The following CREBBP variants were observed in gnomAD, a reference collection of about 807,000 sequenced individuals.
The protein encoded by CREBBP is CREB binding lysine acetyltransferase, also known as CREB-binding protein.
In CREBBP, 19 loss-of-function variants were observed where a neutral mutation model predicts 265.0. The observed-to-expected ratio is 0.07, with a 90% CI of 0.05 to 0.11. The LOEUF (loss-of-function observed/expected upper bound fraction) is 0.11, where lower values mean the gene tolerates loss of function less well. Among genes scored for constraint, CREBBP ranks in the 10% least tolerant of loss-of-function variants. The probability of loss-of-function intolerance (pLI) is 1.00; values close to 1 mark genes in which losing one functional copy is unlikely to be tolerated. For synonymous variants in CREBBP, 1,457 were observed against 1,223.7 expected (o/e 1.19, Z -3.98); for missense variants, 2,525 against 3,219.0 (o/e 0.78, Z 5.22).
At chr16:3,813,886 C>G (rs746528118) in intron 2 of CREBBP, among the ~76,000 whole-genome samples, 1 of 152,168 alleles carries the variant, frequency 6.6e-6, no homozygotes, top group Non-Finnish European at 1.5e-5. Context: ...TGGGTGACAG[C>G]TGAAGGGGTG....
At chr16:3,879,133 C>G (rs1046748203) in intron 1 of CREBBP, among the ~76,000 whole-genome samples, 1 of 152,048 alleles carries the variant, frequency 6.6e-6, no homozygotes, top group African/African-American at 2.4e-5. Flanking sequence ...TGAAGTTATA[C>G]ATGGAAATGA....
Position 3,850,682 on chromosome 16 carries a change from G to C in CREBBP, c.413C>G (p.Ala138Gly), listed in dbSNP as rs2054814255. The C allele has an allele frequency of 6.2e-7, 1 of 1,614,012 alleles. No homozygotes were observed. The highest frequency in any genetic ancestry group is 8.5e-7 in the Non-Finnish European group (1 of 1,180,056). ...AGCGGGGGTGGGCCCAGAGGTGCTG[G>C]CTGCCTGTTTAGGCAGGCTGGGGGC... is the stretch of plus-strand genomic sequence containing the variant. ...SSAPSLPKQAASTSGPTPAAS... is the reference protein window; with the variant it reads ...SSAPSLPKQAGSTSGPTPAAS... The change falls in exon 2 of 31, where the codon GCC becomes GGC. Residue 138 changes from alanine (A) to glycine (G), a missense_variant. Around this residue, in one of 19 missense-constraint regions of CREBBP, gnomAD observed 356 missense variants for 340.4 expected, o/e 1.05. Transcript: ENST00000262367.
At chr16:3,790,182 C>T (rs1221626739) in intron 5 of CREBBP, among the ~76,000 whole-genome samples, 1 of 151,938 alleles carries the variant, frequency 6.6e-6, no homozygotes, top group Non-Finnish European at 1.5e-5. Context: ...AAAGAAAAAA[C>T]TTTTACAGTA....
chr16:3,774,396 T>C (rs1187956731), intron 12 of CREBBP, among the ~76,000 whole-genome samples, 173 bp downstream of exon 12: 1 of 152,220 alleles, frequency 6.6e-6, no homozygotes, highest in Non-Finnish European at 1.5e-5. Flanking sequence ...AACAGTCAAA[T>C]AATTCTGTGT....
At chr16:3,793,253 C>T in intron 4 of CREBBP, 133 bp downstream of exon 4, 1 of 1,227,624 alleles carries the variant, frequency 8.1e-7, no homozygotes, top group Non-Finnish European at 1.2e-6. Flanking sequence ...GTGAGCGCAA[C>T]ATGTCTTGCC....
intron 17 of CREBBP, among the ~76,000 whole-genome samples, chr16:3,758,471 T>A (rs540924254): frequency 2.6e-5 from 4 of 152,220 alleles, no homozygotes; most frequent in African/African-American, 4.8e-5. Flanking sequence ...GACTGCTACA[T>A]AGAATCGGCT....
chr16:3,808,905 A>C (rs1429394092), intron 3 of CREBBP, among the ~76,000 whole-genome samples: 1 of 152,222 alleles, frequency 6.6e-6, no homozygotes, highest in African/African-American at 2.4e-5. Flanking sequence ...CACAGGAGAG[A>C]ACGGGATCTG....
chr16:3,850,453 C>T lies in CREBBP; in HGVS notation c.642G>A (p.Gly214=), dbSNP rs2141490661. Residue 214 remains glycine, a synonymous_variant, in exon 2 of 31, where the codon GGG becomes GGA. Transcript: ENST00000262367. ...GQAQVMNGSL[G]AAGRGRGAGM... is the part of the protein sequence containing the mutation. ...CAGCTCCCCTTCCTCTGCCAGCAGC[C>T]CCAAGAGATCCATTCATGACTTGCG... 2 of 1,614,228 alleles carry T rather than the reference C, an allele frequency of 1.2e-6. No homozygotes were observed.
intron 2 of CREBBP, among the ~76,000 whole-genome samples, chr16:3,824,424 T>G (rs1006427004): frequency 2.6e-5 from 4 of 152,358 alleles, no homozygotes; most frequent in African/African-American, 7.2e-5. Flanking sequence ...GGGGGTTAAC[T>G]GACAGAGCTA....
chr16:3,863,447 A>G (rs981655533), intron 1 of CREBBP, among the ~76,000 whole-genome samples: 1 of 152,106 alleles, frequency 6.6e-6, no homozygotes, highest in African/African-American at 2.4e-5. Flanking sequence ...TACTAAAAAT[A>G]CAAAAATTAG....
In CREBBP at chr16:3,791,985, T is replaced by C; in HGVS notation, c.1326A>G (p.Gln442=). The C allele has an allele frequency of 2.5e-6, 4 of 1,612,540 alleles. No individual in the cohort carries two copies. Among genetic ancestry groups the C allele is most frequent in the Non-Finnish European group, 3.4e-6 (4 of 1,178,484 alleles). The change falls in exon 5 of 31, where the codon CAA becomes CAG. Residue 442 remains glutamine, a synonymous_variant. Coordinates refer to ENST00000262367, the MANE Select transcript of CREBBP (RefSeq NM_004380.3). ...PLKNASDKRN[Q]QTILGSPASG... ...TCTGCCCCCGTGCTCACTTACTTTG[T>C]TGGTTTCGCTTGTCACTGGCATTTT...
At chr16:3,737,428 G>A (rs2052090964) in intron 26 of CREBBP, among the ~76,000 whole-genome samples, 1 of 152,074 alleles carries the variant, frequency 6.6e-6, no homozygotes, top group Non-Finnish European at 1.5e-5. Flanking sequence ...ACAGCAAGGG[G>A]CAGGAGGAAC....
Position 3,850,546 on chromosome 16 carries a change from C to A in CREBBP, c.549G>T (p.Gln183His), listed in dbSNP as rs1445018490. ...TACTATTGAGGAGGCCTGGGTGGGT[C>A]TGGTTAAAGTTAGCATTCATGCAGA... ...PGICMNANFN[Q>H]THPGLLNSNS... The change falls in exon 2 of 31, where the codon CAG becomes CAT. Residue 183 changes from glutamine to histidine, a missense_variant. By Grantham distance (24) the Gln-to-His change is conservative. Transcript: ENST00000262367. 5.6e-6 allele frequency: 9 copies of A among 1,614,246 alleles called. No individual in the cohort carries two copies. In the South Asian group the frequency reaches 9.9e-5, roughly 18 times the overall value.
At chr16:3,847,549 T>C (rs751332768) in intron 2 of CREBBP, among the ~76,000 whole-genome samples, 11 of 152,134 alleles carry the variant, frequency 7.2e-5, no homozygotes, top group Non-Finnish European at 1.3e-4. Flanking sequence ...GAGATACCTA[T>C]AGGAAACAAG....
intron 8 of CREBBP, among the ~76,000 whole-genome samples, chr16:3,779,227 A>G (rs1023460917): frequency 2.6e-5 from 4 of 151,522 alleles, no homozygotes; most frequent in African/African-American, 9.7e-5. Context: ...AGGCTGGAGT[A>G]CAGTGGCATG....
intron 1 of CREBBP, among the ~76,000 whole-genome samples, chr16:3,869,607 A>C (rs1356325756): frequency 6.6e-6 from 1 of 152,222 alleles, no homozygotes; most frequent in Non-Finnish European, 1.5e-5. Context: ...AAACCAGGTA[A>C]CATTTAAAAT....
intron 2 of CREBBP, among the ~76,000 whole-genome samples, chr16:3,836,449 A>AG (rs966789462): frequency 7.3e-5 from 11 of 150,126 alleles, no homozygotes; most frequent in African/African-American, 2.7e-4. Context: ...AAAAAAAAAA[A>AG]GAAAAAAAAG....
chr16:3,829,600 G>C (rs751616759), intron 2 of CREBBP, among the ~76,000 whole-genome samples: 1 of 152,244 alleles, frequency 6.6e-6, no homozygotes, highest in East Asian at 1.9e-4. Context: ...AGACCCCAAG[G>C]CCATGTCTAA....
chr16:3,862,202 G>A (rs982313628), intron 1 of CREBBP, among the ~76,000 whole-genome samples: 1 of 152,196 alleles, frequency 6.6e-6, no homozygotes, highest in Non-Finnish European at 1.5e-5. Context: ...AAGTAGGAAA[G>A]GCTTCAAATA....
Sources: allele counts gnomAD v4.1 joint callset (sites outside exome capture counted in the v4.1 genomes callset), GRCh38; gene constraint gnomAD v4.1.1; regional missense constraint gnomAD v4.1.1; transcripts MANE v1.5; gene names NCBI Gene and HGNC (gene_info 2026-07-23, HGNC 2026-07-21).